The following NPLOC4 variants were observed in gnomAD, a reference collection of about 807,000 sequenced individuals.
The protein encoded by NPLOC4 is nuclear protein localization protein 4 homolog.
NPLOC4 carries 18 observed loss-of-function variants against 80.6 expected under a neutral mutation model. That is an observed-to-expected ratio of 0.22 (90% CI 0.15 to 0.33). The LOEUF (loss-of-function observed/expected upper bound fraction) is 0.33, where lower values mean the gene tolerates loss of function less well. Among genes scored for constraint, NPLOC4 ranks in the 10% least tolerant of loss-of-function variants. The pLI, the probability that NPLOC4 is intolerant of heterozygous loss-of-function variation, is 1.00. For missense variants in NPLOC4, 540 were observed against 786.1 expected (o/e 0.69, Z 3.74); for synonymous variants, 313 against 301.5 (o/e 1.04, Z -0.39).
chr17:81,596,794 T>C (rs1318392144), intron 10 of NPLOC4, among the ~76,000 whole-genome samples: 1 of 152,126 alleles, frequency 6.6e-6, no homozygotes, highest in Admixed American at 6.5e-5. Context: ...CGGCCTTCAT[T>C]GATCAAGAAG....
chr17:81,587,293 G>GTGAC (rs1229952982), intron 12 of NPLOC4, among the ~76,000 whole-genome samples: 1 of 152,118 alleles, frequency 6.6e-6, no homozygotes, highest in Non-Finnish European at 1.5e-5. Context: ...GGCCAACATA[G>GTGAC]TGACACCCTG....
At chr17:81,613,253 A>G (rs770415606) in intron 4 of NPLOC4, 65 bp downstream of exon 4, 56 of 1,396,020 alleles carry the variant, frequency 4.0e-5, no homozygotes, top group Non-Finnish European at 5.2e-5. Context: ...TGTTATAAAT[A>G]TTTCCCTTTA....
intron 11 of NPLOC4, among the ~76,000 whole-genome samples, chr17:81,589,838 A>C (rs1469113349): frequency 2.7e-5 from 4 of 147,524 alleles, no homozygotes; most frequent in South Asian, 4.3e-4. Flanking sequence ...TCTTTACAAT[A>C]AATCAATCAA....
chr17:81,574,876 AACACACACACACAC>A (rs71166157), intron 12 of NPLOC4, among the ~76,000 whole-genome samples: 1 of 148,934 alleles, frequency 6.7e-6, no homozygotes, highest in Non-Finnish European at 1.5e-5. Flanking sequence ...CAAACAAACA[AACACACACACACAC>A]ACACACACAC....
chr17:81,586,458 A>G (rs190428184), intron 12 of NPLOC4, among the ~76,000 whole-genome samples: 1 of 151,966 alleles, frequency 6.6e-6, no homozygotes. Flanking sequence ...AAAAACACAA[A>G]AAATTAGCCG....
At chr17:81,617,862 T>C (rs1039732208) in intron 3 of NPLOC4, among the ~76,000 whole-genome samples, 1 of 152,216 alleles carries the variant, frequency 6.6e-6, no homozygotes, top group Non-Finnish European at 1.5e-5. Flanking sequence ...GGTTTCGCTG[T>C]GTTGGCCGGG....
chr17:81,564,112 A>G (rs2033937358), intron 16 of NPLOC4: 1 of 333,256 alleles, frequency 3.0e-6, no homozygotes, highest in Non-Finnish European at 5.9e-6. Flanking sequence ...ACACACACAC[A>G]CACACAAAGA....
chr17:81,625,356 G>A (rs1420239402), intron 2 of NPLOC4, among the ~76,000 whole-genome samples: 1 of 152,186 alleles, frequency 6.6e-6, no homozygotes, highest in Non-Finnish European at 1.5e-5. Context: ...CGTCCAGCAG[G>A]CAGGTGGGCG....
At chr17:81,562,584 A>G (rs2144014066) in intron 16 of NPLOC4, 1 of 152,252 alleles carries the variant, frequency 6.6e-6, no homozygotes, top group East Asian at 1.9e-4. Flanking sequence ...CAACATCACT[A>G]ATCATCAGAG....
intron 7 of NPLOC4, among the ~76,000 whole-genome samples, chr17:81,605,117 T>C (rs1022262062): frequency 6.6e-6 from 1 of 151,436 alleles, no homozygotes; most frequent in Non-Finnish European, 1.5e-5. Context: ...TTTATAAAAA[T>C]ACAAAAAATT....
intron 1 of NPLOC4, among the ~76,000 whole-genome samples, chr17:81,632,436 CTGAG>C (rs1310761136): frequency 6.6e-6 from 1 of 151,936 alleles, no homozygotes; most frequent in African/African-American, 2.4e-5. Context: ...TCTCAGCCTC[CTGAG>C]TATCTGGGAT....
intron 2 of NPLOC4, among the ~76,000 whole-genome samples, chr17:81,626,303 G>A (rs1399778434): frequency 3.4e-5 from 5 of 145,606 alleles, no homozygotes; most frequent in Non-Finnish European, 5.9e-5. Flanking sequence ...GCAACAGAGC[G>A]AGACTCCATC....
At chr17:81,590,017 C>A (rs67050149) in intron 11 of NPLOC4, among the ~76,000 whole-genome samples, 39,998 of 152,026 alleles carry the variant, frequency 0.26, 6,415 homozygotes, top group Non-Finnish European at 0.36. Context: ...CATCTGGAGG[C>A]AGAGAGATGG....
intron 12 of NPLOC4, among the ~76,000 whole-genome samples, chr17:81,582,108 C>T (rs965092806): frequency 2.6e-5 from 4 of 152,238 alleles, no homozygotes; most frequent in South Asian, 2.1e-4. Context: ...GGAGCATAGA[C>T]AGAGCCAGTC....
At chr17:81,559,657 T>C (rs560174901) in intron 16 of NPLOC4, among the ~76,000 whole-genome samples, 2 of 151,982 alleles carry the variant, frequency 1.3e-5, no homozygotes, top group South Asian at 4.2e-4. Context: ...GGTTCCTTTT[T>C]GTTGCAGAGG....
At chr17:81,618,197 C>T (rs950758931) in intron 3 of NPLOC4, among the ~76,000 whole-genome samples, 2 of 151,758 alleles carry the variant, frequency 1.3e-5, no homozygotes, top group Admixed American at 1.3e-4. Context: ...GCCGCCATCC[C>T]ATCTAGGAAG....
intron 13 of NPLOC4, among the ~76,000 whole-genome samples, chr17:81,570,426 G>A (rs902594959): frequency 5.9e-5 from 9 of 152,342 alleles, no homozygotes; most frequent in South Asian, 2.1e-4. Context: ...GCTCAGGCGC[G>A]TCCCTTGGGA....
chr17:81,618,277 G>A (rs1440349119), intron 3 of NPLOC4, among the ~76,000 whole-genome samples: 4 of 146,576 alleles, frequency 2.7e-5, no homozygotes, highest in Admixed American at 6.8e-5. Flanking sequence ...GCCGCCCATC[G>A]TCTGAGATGT....
intron 1 of NPLOC4, among the ~76,000 whole-genome samples, chr17:81,633,850 C>T (rs944057467): frequency 2.7e-5 from 4 of 150,204 alleles, no homozygotes; most frequent in Non-Finnish European, 4.4e-5. Flanking sequence ...GGATTATAGG[C>T]GCCCGCCACC....
Sources: gnomAD v4.1 joint callset for allele counts (sites outside exome capture counted in the v4.1 genomes callset) on GRCh38, gnomAD v4.1.1 for gene constraint, MANE v1.5 for transcripts, NCBI Gene and HGNC (gene_info 2026-07-23, HGNC 2026-07-21) for gene names.